GAL3ST1: variants seen among roughly 807,000 people sequenced by gnomAD.
The protein encoded by GAL3ST1 is galactose-3-O-sulfotransferase 1.
GAL3ST1 carries 13 observed loss-of-function variants against 25.0 expected under a neutral mutation model. The ratio of observed to expected loss-of-function variants is 0.52; its 90% CI spans 0.34 to 0.83. The LOEUF is 0.83. Among genes scored for constraint, GAL3ST1 ranks in the 40% least tolerant of loss-of-function variants. The pLI is 0.02. For synonymous variants in GAL3ST1, 274 were observed against 277.8 expected (o/e 0.99, Z 0.14); for missense variants, 474 against 613.6 (o/e 0.77, Z 2.40).
chr22:30,555,084 T>A lies in GAL3ST1; in HGVS notation c.1141A>T (p.Ser381Cys), dbSNP rs1217095671. Residue 381 changes from serine (S) to cysteine (C), a missense_variant, in exon 4 of 4, where the codon AGC becomes TGC. Around this residue, in one of 2 missense-constraint regions of GAL3ST1, gnomAD observed 359 missense variants for 504.4 expected, o/e 0.71. Coordinates refer to ENST00000406361, the MANE Select transcript of GAL3ST1 (RefSeq NM_001318104.2). The surrounding 1 kb of genome is among the most constrained non-coding windows in gnomAD (Gnocchi z 8.6). ...KSILGYNLKKSIGQRHAQLCR... is the reference protein window; with the variant it reads ...KSILGYNLKKCIGQRHAQLCR... ...AGCTGCGCGTGCCGCTGCCCGATGC[T>A]CTTCTTGAGGTTGTAGCCCAGGATG... 1 of 1,612,684 alleles carries A rather than the reference T, an allele frequency of 6.2e-7. No homozygotes were observed. Among genetic ancestry groups the A allele is most frequent in the South Asian group, 1.1e-5 (1 of 91,078 alleles).
chr22:30,559,401 C>T (rs2086243905), intron 1 of GAL3ST1, among the ~76,000 whole-genome samples: 1 of 151,966 alleles, frequency 6.6e-6, no homozygotes, highest in Admixed American at 6.6e-5. Context: ...CCACCACACC[C>T]AGCTAATTTT....
chr22:30,574,352 C>T (rs2086848905), intron 1 of GAL3ST1, 114 bp downstream of exon 1: 1 of 152,396 alleles, frequency 6.6e-6, no homozygotes, highest in Admixed American at 6.5e-5. Flanking sequence ...CTCCTACTCC[C>T]CTCCTCCGGC....
chr22:30,568,339 T>C (rs2086684224), intron 1 of GAL3ST1, among the ~76,000 whole-genome samples: 1 of 152,182 alleles, frequency 6.6e-6, no homozygotes, highest in African/African-American at 2.4e-5. Context: ...TGCAGTTCAG[T>C]GTCCTCACAT....
intron 1 of GAL3ST1, among the ~76,000 whole-genome samples, chr22:30,567,239 T>G (rs757674881): frequency 2.0e-5 from 3 of 152,196 alleles, no homozygotes; most frequent in Non-Finnish European, 2.9e-5. Context: ...TCACAGGATT[T>G]CTGGCCATAT....
chr22:30,573,540 T>A (rs916117003), intron 1 of GAL3ST1, among the ~76,000 whole-genome samples: 19 of 152,150 alleles, frequency 1.2e-4, no homozygotes. Flanking sequence ...GGGCCTCAGG[T>A]CACCCCGTCA....
chr22:30,569,869 G>A (rs1358363318), intron 1 of GAL3ST1, among the ~76,000 whole-genome samples: 1 of 152,186 alleles, frequency 6.6e-6, no homozygotes, highest in South Asian at 2.1e-4. Flanking sequence ...GATTGCTTGA[G>A]CCCAGGAGTT....
chr22:30,558,706 G>A (rs1227506771), intron 1 of GAL3ST1, among the ~76,000 whole-genome samples: 1 of 152,192 alleles, frequency 6.6e-6, no homozygotes, highest in African/African-American at 2.4e-5. Flanking sequence ...GAAGGCTCAA[G>A]TCACACAGCT....
intron 1 of GAL3ST1, among the ~76,000 whole-genome samples, chr22:30,569,867 G>A (rs1292220211): frequency 1.3e-5 from 2 of 152,178 alleles, no homozygotes; most frequent in East Asian, 3.9e-4. Context: ...CAGATTGCTT[G>A]AGCCCAGGAG....
rs557365868 is a variant in GAL3ST1, at chr22:30,557,135, T to TGGTGCAG, written c.131+120_131+126dup. 4.6e-6 allele frequency: 4 copies of TGGTGCAG among 877,010 alleles called. No homozygotes were observed. The East Asian group carries it at 1.1e-4, about 23-fold the overall frequency. The allele number at this position is 877,010 out of a possible 1,614,324, so 54.3% of individuals were successfully genotyped here. A position where few individuals can be genotyped will look rare whatever the true frequency, so the allele number is the denominator to read the frequency against. On this transcript the variant is annotated intron_variant, in intron 3 of 3. Transcript: ENST00000406361. ...AGTGGAATTTCTGTCTGGCACAGCATGGTGCAGGGTGCAGGGTGGCTACCC... is the reference window on the plus strand; with the variant it reads ...AGTGGAATTTCTGTCTGGCACAGCATGGTGCAGGGTGCAGGGTGCAGGGTGGCTACCC...
intron 3 of GAL3ST1, 58 bp downstream of exon 3, chr22:30,557,204 G>A: frequency 6.3e-7 from 1 of 1,585,972 alleles, no homozygotes; most frequent in South Asian, 1.1e-5. Context: ...GGGCCCCATG[G>A]GTGGGGTGCC....
intron 1 of GAL3ST1, chr22:30,572,669 C>G (rs12628797): frequency 6.6e-6 from 1 of 152,452 alleles, no homozygotes; most frequent in Non-Finnish European, 1.5e-5. Context: ...CCCACTTCCT[C>G]CCACCATCAC....
rs2085931857 is a variant in GAL3ST1 at position 30,555,280 on chromosome 22, G to A, written c.945C>T (p.Phe315=). The stretch of plus-strand genomic sequence containing the variant: ...GCCCGAAGGCCTCCACCTTGCGCCA[G>A]AAGCTGGCGTTGAAGTGGCGGTAGA... ...SHLYRHFNAS[F]WRKVEAFGRE... Residue 315 remains phenylalanine, a synonymous_variant, in exon 4 of 4, where the codon TTC becomes TTT. Transcript: ENST00000406361. The surrounding 1 kb of genome is among the most constrained non-coding windows in gnomAD (Gnocchi z 8.6). 2 of 1,603,324 alleles carry A rather than the reference G, an allele frequency of 1.2e-6. No individual in the cohort carries two copies. The highest frequency in any genetic ancestry group is 2.2e-5 in the East Asian group (1 of 44,690).
At chr22:30,558,987 GTC>G in intron 1 of GAL3ST1, among the ~76,000 whole-genome samples, 1 of 151,994 alleles carries the variant, frequency 6.6e-6, no homozygotes, top group Admixed American at 6.6e-5. Flanking sequence ...GTGAAATTCT[GTC>G]TCTACTGAAA....
chr22:30,564,634 C>T (rs2086566752), intron 1 of GAL3ST1, among the ~76,000 whole-genome samples: 1 of 152,244 alleles, frequency 6.6e-6, no homozygotes, highest in South Asian at 2.1e-4. Flanking sequence ...CCCAGCCATC[C>T]TCCTGTTTAG....
intron 3 of GAL3ST1, among the ~76,000 whole-genome samples, chr22:30,556,302 C>T (rs2086024316): frequency 6.6e-6 from 1 of 152,192 alleles, no homozygotes. Flanking sequence ...GGGACGATAA[C>T]AGGCCCTATT....
Position 30,555,219 on chromosome 22 carries a change from G to T in GAL3ST1, c.1006C>A (p.His336Asn). Residue 336 changes from histidine to asparagine, a missense_variant, in exon 4 of 4, where the codon CAT becomes AAT. His to Asn is a moderately conservative substitution (Grantham distance 68). Transcript: ENST00000406361. This position sits in a 1 kb window ranked among gnomAD's most constrained non-coding sequence, Gnocchi z 8.6. ...ATGGTCCGCATGCGCTCGTTGGCAT[G>T]GCGCAGGGCGGCCACCTCGCGGGCC... ...RMAREVAALR[H>N]ANERMRTICI... is the part of the protein sequence containing the mutation. The T allele has an allele frequency of 6.3e-7, 1 of 1,598,068 alleles. No individual in the cohort carries two copies. The highest frequency in any genetic ancestry group is 8.5e-7 in the Non-Finnish European group (1 of 1,175,108).
chr22:30,569,826 C>T (rs1278830002), intron 1 of GAL3ST1, among the ~76,000 whole-genome samples: 4 of 152,186 alleles, frequency 2.6e-5, no homozygotes. Flanking sequence ...GTGGCGTGCG[C>T]CACCCAGCAT....
chr22:30,565,200 G>A (rs1385799971), intron 1 of GAL3ST1: 1 of 152,338 alleles, frequency 6.6e-6, no homozygotes, highest in East Asian at 1.9e-4. Context: ...CAGGCTCTAA[G>A]GCTGAGTGAG....
chr22:30,557,275 C>T lies in GAL3ST1; in HGVS notation c.118G>A (p.Gly40Ser), dbSNP rs1299459103. Residue 40 changes from glycine (G) to serine (S), a missense_variant, in exon 3 of 4, where the codon GGC (glycine) becomes AGC (serine). Gly to Ser is a moderately conservative substitution (Grantham distance 56). Transcript: ENST00000406361. ...YSYAVPPLHA[G>S]LASTTPEAAA... ...TGGGCCACTCACGTGGAGGCCAGGC[C>T]GGCATGCAGCGGGGGCACGGCATAG... The T allele has an allele frequency of 3.1e-6, 5 of 1,614,142 alleles. No individual in the cohort carries two copies. Among genetic ancestry groups the T allele is most frequent in the Admixed American group, 1.7e-5 (1 of 60,026 alleles).
Sources: gnomAD v4.1 joint callset for allele counts (sites outside exome capture counted in the v4.1 genomes callset) on GRCh38, gnomAD v4.1.1 for gene constraint, gnomAD v4.1.1 regional missense constraint, Gnocchi (gnomAD v3.1) non-coding constraint, MANE v1.5 for transcripts, NCBI Gene and HGNC (gene_info 2026-07-23, HGNC 2026-07-21) for gene names.